Variants in ROBO2 observed in about 807,000 individuals in gnomAD.
The protein encoded by ROBO2 is roundabout homolog 2.
ROBO2 carries 53 observed loss-of-function variants against 160.8 expected under a neutral mutation model. The ratio of observed to expected loss-of-function variants is 0.33; its 90% CI spans 0.26 to 0.41. The LOEUF (loss-of-function observed/expected upper bound fraction) is 0.41, where lower values mean the gene tolerates loss of function less well. Ranked by LOEUF, ROBO2 falls within the 10% of genes least tolerant of loss-of-function variation. The pLI is 1.00. For synonymous variants in ROBO2, 664 were observed against 611.7 expected (o/e 1.09, Z -1.26); for missense variants, 1,577 against 1,722.4 (o/e 0.92, Z 1.49).
At chr3:77,291,853 A>G (rs2061317708) in intron 2 of ROBO2, among the ~76,000 whole-genome samples, 1 of 151,964 alleles carries the variant, frequency 6.6e-6, no homozygotes, top group Non-Finnish European at 1.5e-5. Context: ...AGCTGAGGCT[A>G]GATCACCCCA....
chr3:76,058,589 C>CTTTTTTTTTTTTTT (rs10676074), intron 2 of ROBO2, among the ~76,000 whole-genome samples: 16 of 48,854 alleles, frequency 3.3e-4, no homozygotes, highest in South Asian at 1.4e-3. Context: ...ACAGCAGAAA[C>CTTTTTTTTTTTTTT]TTTTTTTTTT....
At chr3:77,033,252 T>G (rs2149566017) in intron 2 of ROBO2, among the ~76,000 whole-genome samples, 1 of 152,296 alleles carries the variant, frequency 6.6e-6, no homozygotes, top group South Asian at 2.1e-4. Flanking sequence ...ACCCCTTCTC[T>G]TTGCAGAGAT....
intron 2 of ROBO2, among the ~76,000 whole-genome samples, chr3:76,182,643 T>C (rs961187811): frequency 2.0e-5 from 3 of 152,128 alleles, no homozygotes; most frequent in African/African-American, 7.2e-5. Flanking sequence ...TCTCTTACAC[T>C]TAATCTCTGC....
intron 2 of ROBO2, among the ~76,000 whole-genome samples, chr3:76,490,392 A>C (rs545284866): frequency 6.6e-6 from 1 of 152,350 alleles, no homozygotes; most frequent in Non-Finnish European, 1.5e-5. Context: ...GAACCCCAAT[A>C]GTTCTGATTT....
intron 2 of ROBO2, among the ~76,000 whole-genome samples, chr3:76,791,678 A>G (rs917132300): frequency 6.6e-6 from 1 of 151,662 alleles, no homozygotes; most frequent in Non-Finnish European, 1.5e-5. Context: ...CCAACCAACT[A>G]AGCTGCTCCC....
chr3:76,454,874 T>A (rs1195414416), intron 2 of ROBO2, among the ~76,000 whole-genome samples: 1 of 152,096 alleles, frequency 6.6e-6, no homozygotes, highest in East Asian at 1.9e-4. Context: ...TTTAAGGAAT[T>A]TATTAAACAG....
At chr3:77,635,194 C>A in intron 24 of ROBO2, 151 bp downstream of exon 25, 1 of 755,488 alleles carries the variant, frequency 1.3e-6, no homozygotes, top group Non-Finnish European at 2.2e-6. Context: ...TTAAATAAAA[C>A]ACCATTTTTA....
intron 1 of ROBO2, among the ~76,000 whole-genome samples, chr3:75,907,479 T>C (rs769220177): frequency 2.5e-4 from 38 of 152,118 alleles, no homozygotes; most frequent in Non-Finnish European, 4.0e-4. Context: ...TCCTTTGCTC[T>C]GCACCCTCCA....
intron 2 of ROBO2, among the ~76,000 whole-genome samples, chr3:77,391,688 A>G (rs1024618913): frequency 3.3e-5 from 5 of 152,090 alleles, no homozygotes; most frequent in African/African-American, 4.8e-5. Flanking sequence ...CAAACCGTGT[A>G]AGATGCCATA....
chr3:77,534,018 G>A (rs2153637052), intron 6 of ROBO2, among the ~76,000 whole-genome samples: 1 of 152,126 alleles, frequency 6.6e-6, no homozygotes, highest in East Asian at 1.9e-4. Flanking sequence ...AAGGATCATG[G>A]GATGGGCTCT....
At chr3:77,317,502 T>C in intron 2 of ROBO2, 1 of 1,468,202 alleles carries the variant, frequency 6.8e-7, no homozygotes, top group Non-Finnish European at 9.4e-7. Flanking sequence ...CGATCCATCC[T>C]CAGATTTCGT....
chr3:76,481,345 A>G (rs1433734138), intron 2 of ROBO2, among the ~76,000 whole-genome samples: 1 of 152,154 alleles, frequency 6.6e-6, no homozygotes, highest in Non-Finnish European at 1.5e-5. Context: ...AACCATTTTG[A>G]AATTGAATTT....
At chr3:77,602,282 G>A (rs1318322238) in exon 20 of ROBO2, 2 of 1,614,112 alleles carry the variant, frequency 1.2e-6, no homozygotes, top group Middle Eastern at 1.6e-4. Flanking sequence ...ATTTATAGTA[G>A]CATTGACTTC....
intron 4 of ROBO2, among the ~76,000 whole-genome samples, chr3:77,487,799 T>C (rs2085553666): frequency 6.6e-6 from 1 of 152,210 alleles, no homozygotes; most frequent in South Asian, 2.1e-4. Flanking sequence ...ACTCTACCTA[T>C]GTAATTATTG....
At chr3:75,941,112 T>TATTTC (rs111270434) in intron 2 of ROBO2, among the ~76,000 whole-genome samples, 129 of 152,250 alleles carry the variant, frequency 8.5e-4, no homozygotes, top group East Asian at 2.5e-3. Flanking sequence ...ATTTTATTTT[T>TATTTC]ATTTCATTTC....
chr3:76,396,993 C>T (rs2077495569), intron 2 of ROBO2, among the ~76,000 whole-genome samples: 2 of 151,926 alleles, frequency 1.3e-5, no homozygotes, highest in South Asian at 4.2e-4. Flanking sequence ...CATATGGAAC[C>T]AAAAAAGAGC....
In ROBO2 at chr3:77,294,157, G is replaced by A. The variant is rs564029323; in HGVS notation, c.389-183257G>A. Reference sequence around the variant, plus strand: ...CATAAAGTAAAATTGATGGTTAAACGGGTAAGCTGAGGCTAGATCACCCCA... The same window carrying A: ...CATAAAGTAAAATTGATGGTTAAACAGGTAAGCTGAGGCTAGATCACCCCA... On this transcript the variant is annotated intron_variant, in intron 2 of 25. Coordinates refer to ENST00000461745, the Ensembl canonical transcript of ROBO2. Among the ~76,000 whole-genome samples, 16 of 144,102 alleles carry A rather than the reference G, an allele frequency of 1.1e-4. 2 individuals carry two copies. The highest frequency in any genetic ancestry group is 2.2e-4 in the South Asian group (1 of 4,446). 94.5% of individuals were successfully genotyped at this position (144,102 alleles called of 152,430 possible). A position where few individuals can be genotyped will look rare whatever the true frequency, so the allele number is the denominator to read the frequency against.
chr3:76,721,969 A>G (rs1255303505), intron 2 of ROBO2, among the ~76,000 whole-genome samples: 1 of 152,242 alleles, frequency 6.6e-6, no homozygotes, highest in Admixed American at 6.5e-5. Context: ...GCTGTCTGCC[A>G]TGAAGAAATC....
intron 4 of ROBO2, among the ~76,000 whole-genome samples, chr3:77,488,384 G>A (rs1160885279): frequency 6.6e-6 from 1 of 152,224 alleles, no homozygotes; most frequent in African/African-American, 2.4e-5. Context: ...TTGATAAGCA[G>A]TCAGCAAACG....
Sources: gnomAD v4.1 joint callset for allele counts (sites outside exome capture counted in the v4.1 genomes callset) on GRCh38, gnomAD v4.1.1 for gene constraint, MANE v1.5 for transcripts, NCBI Gene and HGNC (gene_info 2026-07-23, HGNC 2026-07-21) for gene names.